The following ADGRF1 variants were observed in gnomAD, a reference collection of about 807,000 sequenced individuals.
The protein encoded by ADGRF1 is adhesion G protein-coupled receptor F1, also known as G protein-coupled receptor 110.
Under a neutral mutation model 87.2 loss-of-function variants are expected in ADGRF1, and 85 were observed. The ratio of observed to expected loss-of-function variants is 0.97; its 90% CI spans 0.82 to 1.17. The LOEUF (loss-of-function observed/expected upper bound fraction) is 1.17, where lower values mean the gene tolerates loss of function less well. ADGRF1 is among the 50% of genes most tolerant of loss of function. The probability of loss-of-function intolerance (pLI) is 0.00; values close to 1 mark genes in which losing one functional copy is unlikely to be tolerated. For missense variants in ADGRF1, 1,169 were observed against 1,077.2 expected, an observed-to-expected ratio of 1.09 and a Z score of -1.19; for synonymous variants, 430 against 408.8, an observed-to-expected ratio of 1.05 and a Z score of -0.63.
At chr6:47,006,956 G>A (rs1779550995) in intron 12 of ADGRF1, among the ~76,000 whole-genome samples, 1 of 152,188 alleles carries the variant, frequency 6.6e-6, no homozygotes, top group Non-Finnish European at 1.5e-5. Context: ...AAGCAATTTT[G>A]CTATGGAATT....
chr6:47,013,449 C>T, intron 9 of ADGRF1: 1 of 985,488 alleles, frequency 1.0e-6, no homozygotes, highest in Non-Finnish European at 1.2e-6. Context: ...GGGTTTTCTA[C>T]TGCAGCAGCA....
chr6:47,024,440 G>A (rs1029737804), intron 4 of ADGRF1: 1 of 439,342 alleles, frequency 2.3e-6, no homozygotes, highest in Non-Finnish European at 4.1e-6. Context: ...TCAGCCACCT[G>A]AGTAGCTGGG....
intron 1 of ADGRF1, among the ~76,000 whole-genome samples, chr6:47,030,120 A>G (rs1780366416): frequency 6.6e-6 from 1 of 151,882 alleles, no homozygotes; most frequent in Admixed American, 6.6e-5. Context: ...CTTCATACAA[A>G]CCCTGCTATT....
chr6:47,017,719 T>C (rs1409197913), intron 7 of ADGRF1: 1 of 151,334 alleles, frequency 6.6e-6, no homozygotes, highest in Admixed American at 6.6e-5. Flanking sequence ...TGGATTATTC[T>C]ATTTATGTGA....
Position 47,027,732 on chromosome 6 carries a change from T to C in ADGRF1, c.99A>G (p.Glu33=). The C allele has an allele frequency of 6.2e-7, 1 of 1,602,318 alleles. No individual in the cohort carries two copies. The highest frequency in any genetic ancestry group is 8.5e-7 in the Non-Finnish European group (1 of 1,169,692). Reference sequence around the variant, plus strand: ...GATGTTTTTTCTTATTCACAATGAGTTCTTTTTTTGTTTTGATGCCATCAT... The same window carrying C: ...GATGTTTTTTCTTATTCACAATGAGCTCTTTTTTTGTTTTGATGCCATCAT... ...GKNDGIKTKK[E]LIVNKKKHLG... The change falls in exon 3 of 15, where the codon GAA becomes GAG. Residue 33 remains glutamate, a synonymous_variant. Coordinates refer to ENST00000371253, the MANE Select transcript of ADGRF1 (RefSeq NM_153840.4).
intron 1 of ADGRF1, among the ~76,000 whole-genome samples, chr6:47,030,080 C>A (rs904382928): frequency 2.0e-5 from 3 of 152,184 alleles, no homozygotes; most frequent in Non-Finnish European, 4.4e-5. Context: ...CTCCATCCAG[C>A]CCTTACCTTG....
Position 47,022,036 on chromosome 6 carries a change from A to C in ADGRF1, c.474T>G (p.Ile158Met). ...AAAGGTCATTTGTAAACCTTTCATT[A>C]ATTTTGAAAGTGCCCCAAATCTCTG... ...ERTKIWGTFK[I>M]NERFTNDLLN... is the part of the protein sequence containing the mutation. Residue 158 changes from isoleucine to methionine, a missense_variant, in exon 6 of 15, where the codon ATT (isoleucine) becomes ATG (methionine). Physicochemically the swap from Ile to Met is conservative, Grantham distance 10 (BLOSUM62 1). Transcript: ENST00000371253. The C allele has an allele frequency of 6.3e-7, 1 of 1,576,654 alleles. No homozygotes were observed. Among genetic ancestry groups the C allele is most frequent in the East Asian group, 2.3e-5 (1 of 43,914 alleles).
chr6:47,022,426 A>G (rs1449603247), intron 5 of ADGRF1, among the ~76,000 whole-genome samples: 2 of 152,234 alleles, frequency 1.3e-5, no homozygotes, highest in East Asian at 1.9e-4. Context: ...CAGCAACACT[A>G]CTTGCTAACT....
chr6:47,005,139 G>A (rs1405299580), intron 13 of ADGRF1, among the ~76,000 whole-genome samples: 5 of 152,058 alleles, frequency 3.3e-5, no homozygotes, highest in African/African-American at 7.2e-5. Context: ...TCAGTGCCTC[G>A]CTGAAAAACA....
Position 47,014,847 on chromosome 6 carries a change from G to A in ADGRF1, c.764-3C>T. The A allele has an allele frequency of 6.3e-7, 1 of 1,587,928 alleles. No homozygotes were observed. The highest frequency in any genetic ancestry group is 8.6e-7 in the Non-Finnish European group (1 of 1,165,244). On this transcript the variant is annotated splice_polypyrimidine_tract_variant and splice_region_variant and intron_variant, in intron 8 of 14. Transcript: ENST00000371253. ...AAAGACAATGTCATTACACTGGGCTGGAAACAAAAGAAAACAACAAAGAAA... is the reference window on the plus strand; with the variant it reads ...AAAGACAATGTCATTACACTGGGCTAGAAACAAAAGAAAACAACAAAGAAA...
chr6:47,041,860 G>A (rs1190675290), intron 1 of ADGRF1, among the ~76,000 whole-genome samples: 2 of 152,186 alleles, frequency 1.3e-5, no homozygotes, highest in African/African-American at 4.8e-5. Context: ...CTTTGGTGGA[G>A]CCCTTTTTAT....
At chr6:47,021,400 A>G (rs1226492) in intron 6 of ADGRF1, among the ~76,000 whole-genome samples, 21,054 of 152,058 alleles carry the variant, frequency 0.14, 3,645 homozygotes, top group African/African-American at 0.4. Context: ...TCACTCTGTC[A>G]CCCAGGCTGG....
At chr6:47,016,954 A>G (rs1247852673) in intron 7 of ADGRF1, 186 bp from the exon 8 acceptor site, 2 of 474,266 alleles carry the variant, frequency 4.2e-6, no homozygotes, top group Non-Finnish European at 6.0e-6. Flanking sequence ...TATATGATAT[A>G]TATATATGTA....
At chr6:47,018,362 A>T in intron 7 of ADGRF1, 1 of 1,246,688 alleles carries the variant, frequency 8.0e-7, no homozygotes, top group South Asian at 1.4e-5. Flanking sequence ...TGGGTGAAAA[A>T]ATTATTAATT....
At chr6:47,017,692 C>CAAAAAA (rs34535266) in intron 7 of ADGRF1, 2 of 109,866 alleles carry the variant, frequency 1.8e-5, no homozygotes, top group African/African-American at 5.8e-5. Flanking sequence ...GCCGAACATG[C>CAAAAAA]AAAAAAAAAA....
At chr6:47,038,570 G>A (rs756627373) in intron 1 of ADGRF1, among the ~76,000 whole-genome samples, 15 of 152,056 alleles carry the variant, frequency 9.9e-5, no homozygotes, top group Non-Finnish European at 2.1e-4. Flanking sequence ...CATCTCAAAC[G>A]TTTATCATTT....
At chr6:47,018,375 T>G (rs1264636829) in intron 7 of ADGRF1, 1 of 1,259,590 alleles carries the variant, frequency 7.9e-7, no homozygotes, top group African/African-American at 1.5e-5. Context: ...TATTAATTAC[T>G]AATTGATCGG....
At chr6:47,037,265 T>G (rs1367752282) in intron 1 of ADGRF1, among the ~76,000 whole-genome samples, 2 of 152,176 alleles carry the variant, frequency 1.3e-5, no homozygotes, top group African/African-American at 4.8e-5. Context: ...ACCATTTGTA[T>G]TTTTTTCCAG....
At chr6:47,014,628 T>C (rs1177520225) in intron 9 of ADGRF1, 53 bp downstream of exon 9, 2 of 1,586,936 alleles carry the variant, frequency 1.3e-6, no homozygotes, top group African/African-American at 1.3e-5. Flanking sequence ...ACTGGGATAT[T>C]GCCACTCTGA....
Sources: allele counts gnomAD v4.1 joint callset (sites outside exome capture counted in the v4.1 genomes callset), GRCh38; gene constraint gnomAD v4.1.1; transcripts MANE v1.5; gene names NCBI Gene and HGNC (gene_info 2026-07-23, HGNC 2026-07-21).